Variants in ZMAT4 observed in about 807,000 individuals in gnomAD.
ZMAT4 encodes the protein zinc finger matrin-type protein 4.
In ZMAT4, 17 loss-of-function variants were observed where a neutral mutation model predicts 28.7. The observed-to-expected ratio is 0.59, with a 90% CI of 0.41 to 0.89. ZMAT4 has a LOEUF of 0.89. Among genes scored for constraint, ZMAT4 ranks in the 40% least tolerant of loss-of-function variants. ZMAT4 has a pLI of 0.00. For missense variants in ZMAT4, 240 were observed against 283.8 expected (o/e 0.85, Z 1.11); for synonymous variants, 117 against 109.2 (o/e 1.07, Z -0.44).
At chr8:40,816,176 C>A (rs1037113312) in intron 2 of ZMAT4, among the ~76,000 whole-genome samples, 1 of 152,162 alleles carries the variant, frequency 6.6e-6, no homozygotes, top group Non-Finnish European at 1.5e-5. Flanking sequence ...AGTTCTGGTC[C>A]ATGGAACCTG....
chr8:40,719,272 C>T (rs1158744134), intron 3 of ZMAT4, among the ~76,000 whole-genome samples: 1 of 152,006 alleles, frequency 6.6e-6, no homozygotes, highest in Non-Finnish European at 1.5e-5. Context: ...AACCCTGTCT[C>T]TACTAAAAAT....
intron 2 of ZMAT4, among the ~76,000 whole-genome samples, chr8:40,782,107 A>C (rs886680377): frequency 6.6e-6 from 1 of 152,100 alleles, no homozygotes; most frequent in Admixed American, 6.5e-5. Flanking sequence ...GTTGTGCTTC[A>C]AAGACACCGG....
chr8:40,803,227 C>T (rs568106599), intron 2 of ZMAT4, among the ~76,000 whole-genome samples: 1 of 152,104 alleles, frequency 6.6e-6, no homozygotes, highest in Admixed American at 6.5e-5. Context: ...ACAAGCTGGG[C>T]TTTAATAAAA....
At chr8:40,707,353 T>C (rs1015310186) in intron 3 of ZMAT4, among the ~76,000 whole-genome samples, 7 of 152,098 alleles carry the variant, frequency 4.6e-5, no homozygotes, top group Non-Finnish European at 7.4e-5. Flanking sequence ...TACTAAAAAA[T>C]AGAATATTAA....
chr8:40,746,215 C>T (rs1371596003), intron 3 of ZMAT4, among the ~76,000 whole-genome samples: 1 of 100,670 alleles, frequency 9.9e-6, no homozygotes, highest in Non-Finnish European at 1.9e-5. Context: ...TTCCCTCCTT[C>T]CCTCCTTCCC....
chr8:40,894,296 GATTACCTCATTGCTC>G (rs1294392009), intron 1 of ZMAT4, among the ~76,000 whole-genome samples: 1 of 152,206 alleles, frequency 6.6e-6, no homozygotes, highest in Non-Finnish European at 1.5e-5. Flanking sequence ...TTGGGGACAG[GATTACCTCATTGCTC>G]CCCTAGGGTA....
At chr8:40,632,364 G>C (rs1420162585) in intron 5 of ZMAT4, among the ~76,000 whole-genome samples, 3 of 152,044 alleles carry the variant, frequency 2.0e-5, no homozygotes, top group Non-Finnish European at 4.4e-5. Flanking sequence ...CTTATTACTA[G>C]TTGGTAATGT....
intron 5 of ZMAT4, among the ~76,000 whole-genome samples, chr8:40,600,665 C>T (rs1585738658): frequency 6.6e-6 from 1 of 152,308 alleles, no homozygotes; most frequent in East Asian, 1.9e-4. Flanking sequence ...AATAACAGGC[C>T]TTCTGAAGGG....
At chr8:40,630,641 T>G (rs1806540808) in intron 5 of ZMAT4, among the ~76,000 whole-genome samples, 2 of 152,238 alleles carry the variant, frequency 1.3e-5, no homozygotes. Context: ...GAAAAGATAC[T>G]GTAAGCTGTA....
At chr8:40,636,455 A>T (rs1806794860) in intron 5 of ZMAT4, among the ~76,000 whole-genome samples, 1 of 152,228 alleles carries the variant, frequency 6.6e-6, no homozygotes, top group Non-Finnish European at 1.5e-5. Flanking sequence ...CAATCAACAT[A>T]GCCTTTACAG....
At chr8:40,708,306 A>G (rs1810450722) in intron 3 of ZMAT4, among the ~76,000 whole-genome samples, 1 of 152,170 alleles carries the variant, frequency 6.6e-6, no homozygotes, top group Non-Finnish European at 1.5e-5. Context: ...AGCAGATTAT[A>G]AGAGAGGTCT....
chr8:40,644,494 C>A (rs1374574010), intron 5 of ZMAT4, among the ~76,000 whole-genome samples: 1 of 151,580 alleles, frequency 6.6e-6, no homozygotes, highest in South Asian at 2.1e-4. Flanking sequence ...GCAATTTGAA[C>A]AATAAAATAA....
chr8:40,637,547 A>G (rs999587530), intron 5 of ZMAT4, among the ~76,000 whole-genome samples: 4 of 152,216 alleles, frequency 2.6e-5, no homozygotes, highest in Admixed American at 1.3e-4. Context: ...AGGGGATTCA[A>G]TTAGATTAAT....
chr8:40,665,170 C>A (rs753587811), intron 5 of ZMAT4, among the ~76,000 whole-genome samples: 1 of 152,114 alleles, frequency 6.6e-6, no homozygotes, highest in Non-Finnish European at 1.5e-5. Context: ...TGCGCCACTG[C>A]ACTCCAGGCT....
At chr8:40,781,619 G>A (rs535368831) in intron 2 of ZMAT4, among the ~76,000 whole-genome samples, 1,995 of 149,868 alleles carry the variant, frequency 0.013, 19 homozygotes, top group Non-Finnish European at 0.022. Flanking sequence ...AAAATTAGCC[G>A]GGCGTAGTGG....
chr8:40,600,194 A>C (rs1002900554), intron 5 of ZMAT4, among the ~76,000 whole-genome samples: 3 of 152,184 alleles, frequency 2.0e-5, no homozygotes, highest in African/African-American at 7.2e-5. Context: ...AGGAGGGAGA[A>C]AGGTGTTTTT....
intron 1 of ZMAT4, among the ~76,000 whole-genome samples, chr8:40,867,205 C>T (rs896817225): frequency 7.9e-5 from 12 of 152,246 alleles, no homozygotes; most frequent in African/African-American, 2.9e-4. Context: ...GAAGAATTGT[C>T]TTGGGGCACA....
intron 1 of ZMAT4, among the ~76,000 whole-genome samples, chr8:40,864,279 TCTC>T (rs1329711486): frequency 6.6e-6 from 1 of 152,230 alleles, no homozygotes; most frequent in Non-Finnish European, 1.5e-5. Context: ...AGTTTCCTGT[TCTC>T]CTCTTACTAT....
chr8:40,644,790 A>T (rs1358799244), intron 5 of ZMAT4, among the ~76,000 whole-genome samples: 1 of 152,202 alleles, frequency 6.6e-6, no homozygotes, highest in African/African-American at 2.4e-5. Flanking sequence ...GCAATAAATC[A>T]TGGTAATAGT....
Sources: allele counts gnomAD v4.1 joint callset (sites outside exome capture counted in the v4.1 genomes callset), GRCh38; gene constraint gnomAD v4.1.1; transcripts MANE v1.5; gene names NCBI Gene and HGNC (gene_info 2026-07-23, HGNC 2026-07-21).